Variants in LSM12 observed in about 807,000 individuals in gnomAD.
LSM12 encodes the protein protein LSM12.
For synonymous variants in LSM12, 74 were observed against 87.3 expected, an observed-to-expected ratio of 0.85 and a Z score of 0.85; for missense variants, 108 against 238.9, an observed-to-expected ratio of 0.45 and a Z score of 3.61.
rs952695325 is a variant in LSM12, at chr17:44,063,015, G to C, written c.258+786C>G. The stretch of plus-strand genomic sequence containing the variant: ...ACCTGGGAGGCGGAGGTTACAGTGA[G>C]CCGAGATCGCGTCACTGCACTCCAG... On this transcript the variant is annotated intron_variant, in intron 2 of 4. Transcript: ENST00000293406. Among the ~76,000 whole-genome samples, 3 of 152,208 alleles carry C rather than the reference G, an allele frequency of 2.0e-5. No individual in the cohort carries two copies. The East Asian group carries it at 5.8e-4, about 29-fold the overall frequency.
chr17:44,049,002 A>T (rs1039518769), intron 2 of LSM12, among the ~76,000 whole-genome samples: 5 of 152,168 alleles, frequency 3.3e-5, no homozygotes, highest in Non-Finnish European at 7.3e-5. Context: ...TAGCCTGGCC[A>T]ACATTGTGAA....
chr17:44,041,753 A>G (rs2049497813), intron 2 of LSM12, among the ~76,000 whole-genome samples: 1 of 152,178 alleles, frequency 6.6e-6, no homozygotes, highest in African/African-American at 2.4e-5. Flanking sequence ...CCTACCCCAC[A>G]CTACTGGTTG....
At chr17:44,048,254 G>A (rs2049597700) in intron 2 of LSM12, among the ~76,000 whole-genome samples, 1 of 152,036 alleles carries the variant, frequency 6.6e-6, no homozygotes, top group Non-Finnish European at 1.5e-5. Flanking sequence ...GGCCAAGGCA[G>A]GCAGATCACT....
At chr17:44,047,900 T>C (rs989143096) in intron 2 of LSM12, among the ~76,000 whole-genome samples, 2 of 151,844 alleles carry the variant, frequency 1.3e-5, no homozygotes, top group African/African-American at 2.4e-5. Context: ...TTAAGAGTTC[T>C]TGGCTGGGCG....
At chr17:44,055,021 A>G (rs2049693142) in intron 2 of LSM12, among the ~76,000 whole-genome samples, 1 of 151,798 alleles carries the variant, frequency 6.6e-6, no homozygotes, top group Non-Finnish European at 1.5e-5. Context: ...CATTTTTAGT[A>G]GAGTATTTTT....
chr17:44,041,026 C>T (rs1043420265), intron 2 of LSM12, among the ~76,000 whole-genome samples: 4 of 151,376 alleles, frequency 2.6e-5, no homozygotes, highest in Non-Finnish European at 2.9e-5. Context: ...CACATACACA[C>T]ACACACACTT....
chr17:44,045,406 G>C (rs928439500), intron 2 of LSM12, among the ~76,000 whole-genome samples: 1 of 152,004 alleles, frequency 6.6e-6, no homozygotes, highest in African/African-American at 2.4e-5. Context: ...TACGTCTCTG[G>C]CTTCTTCCAC....
intron 1 of LSM12, among the ~76,000 whole-genome samples, chr17:44,066,176 A>C: frequency 9.9e-6 from 1 of 101,216 alleles, no homozygotes; most frequent in Admixed American, 1.3e-4. Flanking sequence ...GTCCCCTCTC[A>C]TAACGTTCCC....
chr17:44,065,439 TAA>T (rs35086714), intron 1 of LSM12, among the ~76,000 whole-genome samples: 22,487 of 113,110 alleles, frequency 0.2, 2,048 homozygotes, highest in Non-Finnish European at 0.24. Context: ...GACTCCATCT[TAA>T]AAAAAAAAAA....
chr17:44,056,294 T>G (rs2049713166), intron 2 of LSM12, among the ~76,000 whole-genome samples: 1 of 126,834 alleles, frequency 7.9e-6, no homozygotes, highest in Non-Finnish European at 1.6e-5. Flanking sequence ...AAACTCTGTC[T>G]CAAAAAAAAA....
chr17:44,041,537 C>T (rs1390200912), intron 2 of LSM12, among the ~76,000 whole-genome samples: 1 of 152,184 alleles, frequency 6.6e-6, no homozygotes, highest in Non-Finnish European at 1.5e-5. Flanking sequence ...CGCTGTCCAC[C>T]TTTAACTTTA....
chr17:44,066,746 G>A, upstream of LSM12: 2 of 883,974 alleles, frequency 2.3e-6, no homozygotes, highest in Non-Finnish European at 1.5e-6. Context: ...AGGTGGAGTG[G>A]GAAAGAAGAG....
intron 2 of LSM12, among the ~76,000 whole-genome samples, chr17:44,049,889 T>C (rs2049619838): frequency 6.6e-6 from 1 of 152,168 alleles, no homozygotes; most frequent in Non-Finnish European, 1.5e-5. Flanking sequence ...TCAGTTTGCC[T>C]TCTCTGTGTA....
At chr17:44,061,944 A>G (rs1398639608) in intron 2 of LSM12, among the ~76,000 whole-genome samples, 2 of 152,188 alleles carry the variant, frequency 1.3e-5, no homozygotes, top group Non-Finnish European at 2.9e-5. Flanking sequence ...AACTATGGCC[A>G]GGAGCGGTGG....
In LSM12 at chr17:44,062,221, C is replaced by CAAAAAAAAAAAAAAAAA. The variant is rs529081923; in HGVS notation, c.258+1563_258+1579dup. 3.1e-5 allele frequency among the ~76,000 whole-genome samples: 2 copies of CAAAAAAAAAAAAAAAAA among 63,892 alleles called. 1 individual carries two copies. The allele number at this position is 63,892 out of a possible 152,430, so 41.9% of individuals were successfully genotyped here. A position where few individuals can be genotyped will look rare whatever the true frequency, so the allele number is the denominator to read the frequency against. The stretch of plus-strand genomic sequence containing the variant: ...TGGGCGACAAAGCGAGACTCCGTCT[C>CAAAAAAAAAAAAAAAAA]AAAAAAAAAAAAAAAAAAAAAAGCT... On this transcript the variant is annotated intron_variant, in intron 2 of 4. Coordinates refer to ENST00000293406, the MANE Select transcript of LSM12 (RefSeq NM_001371445.1).
intron 2 of LSM12, among the ~76,000 whole-genome samples, chr17:44,046,702 TC>T (rs1306450418): frequency 9.2e-6 from 1 of 108,150 alleles, no homozygotes; most frequent in Non-Finnish European, 1.8e-5. Context: ...AGAGCCAGAC[TC>T]CGTCTCAAAA....
chr17:44,050,782 A>G (rs183083178), intron 2 of LSM12, among the ~76,000 whole-genome samples: 1 of 152,030 alleles, frequency 6.6e-6, no homozygotes, highest in Non-Finnish European at 1.5e-5. Context: ...CAGCCTCCCA[A>G]AGTGCTGGAA....
At chr17:44,041,407 A>G (rs2049492917) in intron 2 of LSM12, among the ~76,000 whole-genome samples, 1 of 151,782 alleles carries the variant, frequency 6.6e-6, no homozygotes, top group African/African-American at 2.4e-5. Context: ...TAGAGCCTCC[A>G]GTTTAAAAAT....
chr17:44,064,068 T>C, intron 1 of LSM12, 134 bp from the exon 2 acceptor site: 1 of 930,928 alleles, frequency 1.1e-6, no homozygotes, highest in Admixed American at 2.8e-5. Flanking sequence ...CTTATAAGAA[T>C]CACGGTTCTC....
Sources: allele counts gnomAD v4.1 joint callset (sites outside exome capture counted in the v4.1 genomes callset), GRCh38; gene constraint gnomAD v4.1.1; transcripts MANE v1.5; gene names NCBI Gene and HGNC (gene_info 2026-07-23, HGNC 2026-07-21).